TENM1: variants seen among roughly 807,000 people sequenced by gnomAD.
TENM1 encodes teneurin-1.
In TENM1, 35 loss-of-function variants were observed where a neutral mutation model predicts 174.8. That is an observed-to-expected ratio of 0.20 (90% confidence interval 0.15 to 0.27). TENM1 has a LOEUF of 0.27. Ranked by LOEUF, TENM1 falls within the 10% of genes least tolerant of loss-of-function variation. The pLI, the probability that TENM1 is intolerant of heterozygous loss-of-function variation, is 1.00. For synonymous variants in TENM1, 781 were observed against 798.7 expected (o/e 0.98, Z 0.37); for missense variants, 1,633 against 2,130.1 (o/e 0.77, Z 4.59).
At chrX:125,049,501 T>C in the TENM1 span, among the ~76,000 whole-genome samples, 2 of 112,114 alleles carry the variant, frequency 1.8e-5, no homozygotes, top group Non-Finnish European at 1.9e-5. Context: ...CAATGAACAC[T>C]TGAGTACAAG....
At chrX:124,713,460 G>A (rs2053109263) in intron 4 of TENM1, among the ~76,000 whole-genome samples, 1 of 111,041 alleles carries the variant, frequency 9.0e-6, no homozygotes, top group South Asian at 3.9e-4. Flanking sequence ...TGGAGATGGG[G>A]TTTCTCCATG....
chrX:125,161,306 A>G, the TENM1 span, among the ~76,000 whole-genome samples: 1 of 111,837 alleles, frequency 8.9e-6, no homozygotes, highest in Non-Finnish European at 1.9e-5. Context: ...AATATAATGT[A>G]AACGTTATAG....
the TENM1 span, among the ~76,000 whole-genome samples, chrX:125,189,809 T>A: frequency 8.9e-6 from 1 of 112,447 alleles, no homozygotes; most frequent in Admixed American, 9.4e-5. Context: ...CATACATGTG[T>A]ATGGATAGAT....
At chrX:124,971,896 T>A in the TENM1 span, among the ~76,000 whole-genome samples, 4 of 112,083 alleles carry the variant, frequency 3.6e-5, no homozygotes, top group Non-Finnish European at 5.6e-5. Flanking sequence ...ACTGTCTATT[T>A]ATGGGGCTTT....
intron 3 of TENM1, among the ~76,000 whole-genome samples, chrX:124,751,373 T>A (rs915307354): frequency 3.6e-5 from 4 of 111,950 alleles, no homozygotes; most frequent in South Asian, 3.7e-4. Flanking sequence ...TCTAAATACA[T>A]GTTAGATTAC....
At chrX:124,380,845 C>G (rs1296725850) in exon 32 of TENM1, 1 of 1,211,269 alleles carries the variant, frequency 8.3e-7, no homozygotes, top group Non-Finnish European at 1.1e-6. Context: ...CATGCTGGAG[C>G]TGAATATCTG....
chrX:124,563,861 G>A (rs2048882344), intron 12 of TENM1, 89 bp from the exon 16 acceptor site: 8 of 888,784 alleles, frequency 9.0e-6, no homozygotes, highest in South Asian at 3.0e-5. Flanking sequence ...TCTGTTGCCT[G>A]GGAGGAGAAC....
chrX:124,633,983 A>G (rs1202093006), intron 11 of TENM1, among the ~76,000 whole-genome samples: 2 of 112,143 alleles, frequency 1.8e-5, no homozygotes, highest in African/African-American at 6.5e-5. Flanking sequence ...ACCATGTTTT[A>G]TGCAGATGCT....
chrX:124,460,868 C>G (rs955406994), intron 22 of TENM1, among the ~76,000 whole-genome samples: 1 of 111,340 alleles, frequency 9.0e-6, no homozygotes, highest in African/African-American at 3.3e-5. Context: ...GGGGTACAGA[C>G]TGGCTTAAGA....
At chrX:125,129,107 AGAAGGCAGTTG>A in the TENM1 span, among the ~76,000 whole-genome samples, 2 of 111,959 alleles carry the variant, frequency 1.8e-5, no homozygotes, top group African/African-American at 3.2e-5. Context: ...AGACATAGTG[AGAAGGCAGTTG>A]TCTACGAGCC....
chrX:124,499,163 C>T (rs1376800779), intron 19 of TENM1, among the ~76,000 whole-genome samples: 1 of 111,437 alleles, frequency 9.0e-6, no homozygotes, highest in Non-Finnish European at 1.9e-5. Context: ...TCCCTTTCCC[C>T]CTGCTGTCTA....
intron 23 of TENM1, among the ~76,000 whole-genome samples, chrX:124,432,219 A>G (rs1291253912): frequency 2.7e-5 from 3 of 111,413 alleles, no homozygotes; most frequent in Non-Finnish European, 3.8e-5. Context: ...ACTGTAGAAA[A>G]CCAAGCTTTA....
the TENM1 span, among the ~76,000 whole-genome samples, chrX:125,173,815 C>T: frequency 9.0e-6 from 1 of 111,707 alleles, no homozygotes; most frequent in Non-Finnish European, 1.9e-5. Flanking sequence ...AGGAGGTAAC[C>T]TGCACCTCAA....
intron 27 of TENM1, among the ~76,000 whole-genome samples, chrX:124,393,411 T>TG (rs2060302077): frequency 7.4e-5 from 8 of 107,738 alleles, no homozygotes; most frequent in East Asian, 2.9e-4. Context: ...CTGTTTTTTT[T>TG]TGTGTGTGTG....
intron 1 of TENM1, among the ~76,000 whole-genome samples, chrX:124,949,770 C>A (rs768005233): frequency 1.8e-5 from 2 of 111,379 alleles, no homozygotes; most frequent in Non-Finnish European, 3.8e-5. Context: ...AGGAGTATAG[C>A]CAAATTTGGA....
chrX:124,430,145 T>A, intron 23 of TENM1, among the ~76,000 whole-genome samples: 1 of 111,544 alleles, frequency 9.0e-6, no homozygotes, highest in East Asian at 2.8e-4. Flanking sequence ...CCTTAATATA[T>A]CCTTTTATCC....
At chrX:125,098,532 C>T in the TENM1 span, among the ~76,000 whole-genome samples, 2 of 111,774 alleles carry the variant, frequency 1.8e-5, no homozygotes, top group East Asian at 2.8e-4. Context: ...CAAAAAATGG[C>T]GTTATTTCTT....
chrX:124,680,974 A>C (rs2052220039), intron 5 of TENM1, among the ~76,000 whole-genome samples: 1 of 111,501 alleles, frequency 9.0e-6, no homozygotes, highest in Admixed American at 9.6e-5. Flanking sequence ...AGAAATAGAC[A>C]TACACAGCTA....
intron 23 of TENM1, 166 bp from the exon 27 acceptor site, chrX:124,422,804 T>A: frequency 6.6e-6 from 3 of 453,010 alleles, no homozygotes; most frequent in African/African-American, 2.4e-5. Flanking sequence ...GGATGGTTAA[T>A]CACATGTTCT....
Sources: gnomAD v4.1 joint callset for allele counts (sites outside exome capture counted in the v4.1 genomes callset) on GRCh38, gnomAD v4.1.1 for gene constraint, MANE v1.5 for transcripts, NCBI Gene and HGNC (gene_info 2026-07-23, HGNC 2026-07-21) for gene names.